Variants in MAGI2 observed in about 807,000 individuals in gnomAD.
MAGI2 encodes the protein membrane-associated guanylate kinase, WW and PDZ domain-containing protein 2.
A neutral mutation model predicts 133.3 loss-of-function variants in MAGI2; 35 were observed. That is an observed-to-expected ratio of 0.26 (90% confidence interval 0.20 to 0.35). The LOEUF is 0.35. Among genes scored for constraint, MAGI2 ranks in the 10% least tolerant of loss-of-function variants. The pLI is 1.00. For synonymous variants in MAGI2, 729 were observed against 710.6 expected (o/e 1.03, Z -0.41); for missense variants, 1,636 against 1,863.4 (o/e 0.88, Z 2.25).
chr7:79,217,707 C>T (rs1005180236), intron 1 of MAGI2, among the ~76,000 whole-genome samples: 2 of 151,950 alleles, frequency 1.3e-5, no homozygotes, highest in African/African-American at 4.8e-5. Context: ...TTTTAACCAG[C>T]TATAATACAT....
intron 3 of MAGI2, among the ~76,000 whole-genome samples, chr7:78,550,958 G>A (rs1799287941): frequency 6.6e-6 from 1 of 151,964 alleles, no homozygotes. Context: ...TTATTATATG[G>A]ATCCTTGTAA....
intron 1 of MAGI2, among the ~76,000 whole-genome samples, chr7:79,167,606 G>C (rs188279584): frequency 2.0e-5 from 3 of 152,034 alleles, no homozygotes; most frequent in African/African-American, 7.2e-5. Flanking sequence ...GGTGAAATAA[G>C]TACCCTCACA....
At chr7:78,789,262 T>C (rs1318566805) in intron 2 of MAGI2, among the ~76,000 whole-genome samples, 1 of 152,164 alleles carries the variant, frequency 6.6e-6, no homozygotes, top group Non-Finnish European at 1.5e-5. Flanking sequence ...CTACCCAATC[T>C]CACAAACATA....
chr7:78,068,030 T>C (rs183948911), intron 21 of MAGI2, among the ~76,000 whole-genome samples: 226 of 152,300 alleles, frequency 1.5e-3, no homozygotes, highest in African/African-American at 5.0e-3. Context: ...TCTACACCCA[T>C]AGAATGTGCA....
chr7:78,506,762 G>A (rs118084764), intron 4 of MAGI2, among the ~76,000 whole-genome samples: 12,515 of 152,248 alleles, frequency 0.082, 627 homozygotes, highest in Non-Finnish European at 0.12. Context: ...CGGTGGAGTG[G>A]TTGGTGAAGC....
chr7:78,205,260 T>C (rs1343393736), intron 10 of MAGI2, among the ~76,000 whole-genome samples: 1 of 152,138 alleles, frequency 6.6e-6, no homozygotes, highest in African/African-American at 2.4e-5. Flanking sequence ...GCCTCCTGAG[T>C]AGCTGGGACC....
At chr7:78,239,932 G>A (rs1790952281) in intron 10 of MAGI2, among the ~76,000 whole-genome samples, 1 of 152,120 alleles carries the variant, frequency 6.6e-6, no homozygotes, top group Non-Finnish European at 1.5e-5. Context: ...AAACAAATAT[G>A]TTGAAGAGAT....
chr7:78,171,452 C>A (rs1826100995), intron 14 of MAGI2, among the ~76,000 whole-genome samples: 1 of 152,164 alleles, frequency 6.6e-6, no homozygotes, highest in African/African-American at 2.4e-5. Context: ...CTGGGAGGGG[C>A]CTGAGATTCT....
At chr7:78,182,858 C>T (rs1250113630) in intron 13 of MAGI2, among the ~76,000 whole-genome samples, 1 of 152,162 alleles carries the variant, frequency 6.6e-6, no homozygotes, top group African/African-American at 2.4e-5. Context: ...TTCAAAGTTC[C>T]TGGCCATAGA....
chr7:78,430,265 T>A (rs920886154), intron 6 of MAGI2, among the ~76,000 whole-genome samples: 1 of 144,094 alleles, frequency 6.9e-6, no homozygotes, highest in Non-Finnish European at 1.5e-5. Flanking sequence ...TTTTTTTTTT[T>A]AATAAGAGGG....
intron 9 of MAGI2, among the ~76,000 whole-genome samples, chr7:78,290,076 A>T (rs1052443389): frequency 1.3e-5 from 2 of 152,204 alleles, no homozygotes; most frequent in African/African-American, 4.8e-5. Context: ...CTAGCATCAT[A>T]ATGACAGGAT....
chr7:78,800,370 T>C (rs111632946), intron 2 of MAGI2, among the ~76,000 whole-genome samples: 62 of 152,230 alleles, frequency 4.1e-4, no homozygotes, highest in Middle Eastern at 3.4e-3. Flanking sequence ...GCCTTCCATA[T>C]TGTGGCTCCC....
At chr7:79,254,286 C>T (rs770590789) in intron 1 of MAGI2, among the ~76,000 whole-genome samples, 5 of 135,210 alleles carry the variant, frequency 3.7e-5, no homozygotes, top group Admixed American at 7.8e-5. Context: ...CTATCACACG[C>T]TTTAGAAGTA....
At chr7:78,670,346 T>C (rs1200127396) in intron 2 of MAGI2, among the ~76,000 whole-genome samples, 1 of 152,060 alleles carries the variant, frequency 6.6e-6, no homozygotes, top group Non-Finnish European at 1.5e-5. Context: ...ATAAAATACC[T>C]AGGAATCCAA....
rs921632562 is a variant in MAGI2, at chr7:78,521,480, T to C, written c.704A>G (p.Glu235Gly). Residue 235 changes from glutamate (E) to glycine (G), a missense_variant, in exon 4 of 22, where the codon GAA (glutamate) becomes GGA (glycine). This residue lies in a region of MAGI2 where 165 missense variants were observed against 128.4 expected (regional missense o/e 1.28). Transcript: ENST00000354212. ...EKASIEPPEE[E>G]EEERPVVNGN... ...ATTGACCACAGGCCTCTCTTCCTCT[T>C]CCTCCTCAGGAGGCTCTATACTGGC... 1.2e-6 allele frequency: 2 copies of C among 1,614,152 alleles called. No homozygotes were observed. Among genetic ancestry groups the C allele is most frequent in the Non-Finnish European group, 1.7e-6 (2 of 1,180,036 alleles).
At chr7:78,746,696 TG>T (rs1257959320) in intron 2 of MAGI2, among the ~76,000 whole-genome samples, 1 of 152,220 alleles carries the variant, frequency 6.6e-6, no homozygotes, top group Non-Finnish European at 1.5e-5. Flanking sequence ...CACCTCAATT[TG>T]TTTTTAAAGC....
chr7:78,402,818 G>A (rs1051149329), intron 6 of MAGI2, among the ~76,000 whole-genome samples: 8 of 151,702 alleles, frequency 5.3e-5, no homozygotes, highest in African/African-American at 1.9e-4. Context: ...CCATATACTT[G>A]GATAAGTATA....
At chr7:78,020,636 G>A (rs1193665973) in intron 21 of MAGI2, among the ~76,000 whole-genome samples, 2 of 152,066 alleles carry the variant, frequency 1.3e-5, no homozygotes, top group Non-Finnish European at 2.9e-5. Context: ...TTTGTGTTGG[G>A]TCACATTCAA....
intron 2 of MAGI2, among the ~76,000 whole-genome samples, chr7:78,691,548 T>C (rs181112830): frequency 3.6e-4 from 55 of 152,250 alleles, no homozygotes; most frequent in African/African-American, 1.3e-3. Flanking sequence ...TAATGACTGA[T>C]GCAGAACAGA....
Sources: gnomAD v4.1 joint callset for allele counts (sites outside exome capture counted in the v4.1 genomes callset) on GRCh38, gnomAD v4.1.1 for gene constraint, gnomAD v4.1.1 regional missense constraint, MANE v1.5 for transcripts, NCBI Gene and HGNC (gene_info 2026-07-23, HGNC 2026-07-21) for gene names.